Variants in KIRREL3 observed in about 807,000 individuals in gnomAD.
The protein encoded by KIRREL3 is kirre like nephrin family adhesion molecule 3, also known as kin of IRRE-like protein 3.
Under a neutral mutation model 89.7 loss-of-function variants are expected in KIRREL3, and 36 were observed. That is an observed-to-expected ratio of 0.40 (90% confidence interval 0.31 to 0.53). The LOEUF (loss-of-function observed/expected upper bound fraction) is 0.53. Among genes scored for constraint, KIRREL3 ranks in the 20% least tolerant of loss-of-function variants. The pLI is 0.49. For missense variants in KIRREL3, 864 were observed against 1,056.6 expected (o/e 0.82, Z 2.53); for synonymous variants, 445 against 441.4 (o/e 1.01, Z -0.10).
At chr11:126,777,565 G>A (rs189196440) in intron 1 of KIRREL3, among the ~76,000 whole-genome samples, 1 of 152,038 alleles carries the variant, frequency 6.6e-6, no homozygotes, top group Non-Finnish European at 1.5e-5. Context: ...CTATCATTTG[G>A]CCTCTTTCCC....
rs56122151 is a variant in KIRREL3 at position 126,612,360 on chromosome 11, A to G, written c.56-49448T>C. Reference sequence around the variant, plus strand: ...AGAATAAATGCTCCCTCAGTATTTGAATAAATAAATGTGGTGTCAATTTGG... The same window carrying G: ...AGAATAAATGCTCCCTCAGTATTTGGATAAATAAATGTGGTGTCAATTTGG... On this transcript the variant is annotated intron_variant, in intron 1 of 16. Transcript: ENST00000525144. This position sits in a 1 kb window ranked among gnomAD's most constrained non-coding sequence, Gnocchi z 4.5. Among the ~76,000 whole-genome samples the G allele has an allele frequency of 0.034, 5,163 of 152,016 alleles. 309 individuals are homozygous for G. Among genetic ancestry groups the G allele is most frequent in the African/African-American group, 0.12 (4,901 of 41,270 alleles).
In KIRREL3 at chr11:126,489,252, C is replaced by A. The variant is rs1957446951; in HGVS notation, c.434-15786G>T. Among the ~76,000 whole-genome samples the A allele has an allele frequency of 6.6e-6, 1 of 152,158 alleles. No homozygotes were observed. The highest frequency in any genetic ancestry group is 2.1e-4 in the South Asian group (1 of 4,826). The stretch of plus-strand genomic sequence containing the variant: ...ACCCGGGTGCCTGGCTCGATGGGAG[C>A]TTCCTAAGGGAAGCAGCCCTGTCAT... On this transcript the variant is annotated intron_variant, in intron 4 of 16. Transcript: ENST00000525144. The surrounding 1 kb of genome is among the most constrained non-coding windows in gnomAD (Gnocchi z 5.5).
rs1053026141 is a variant in KIRREL3, at chr11:126,454,094, C to T, written c.848+2255G>A. On this transcript the variant is annotated intron_variant, in intron 7 of 16. Coordinates refer to ENST00000525144, the MANE Select transcript of KIRREL3 (RefSeq NM_032531.4). The surrounding 1 kb of genome is among the most constrained non-coding windows in gnomAD (Gnocchi z 5.8). ...GTCCCATTAACTGCCACCCTCCCAT[C>T]GCCCGGATTCACCAGCTGTTAACAT... Among the ~76,000 whole-genome samples, 3 of 138,648 alleles carry T rather than the reference C, an allele frequency of 2.2e-5. No homozygotes were observed. Among genetic ancestry groups the T allele is most frequent in the Non-Finnish European group, 4.9e-5 (3 of 60,848 alleles). 91.0% of individuals were successfully genotyped at this position (138,648 alleles called of 152,430 possible). A position where few individuals can be genotyped will look rare whatever the true frequency, so the allele number is the denominator to read the frequency against.
Position 126,704,557 on chromosome 11 carries a change from T to A in KIRREL3, c.56-141645A>T, listed in dbSNP as rs546630471. On this transcript the variant is annotated intron_variant, in intron 1 of 16. Transcript: ENST00000525144. The surrounding 1 kb of genome is among the most constrained non-coding windows in gnomAD (Gnocchi z 4.2). ...AGGCTTTTTCTCTAAAAGGCTGCCC[T>A]ATTTGTGTTGTGTGTCCCTGTACAC... 2.0e-5 allele frequency among the ~76,000 whole-genome samples: 3 copies of A among 152,306 alleles called. No homozygotes were observed. In the South Asian group the frequency reaches 6.2e-4, roughly 32 times the overall value.
Position 126,677,166 on chromosome 11 carries a change from A to G in KIRREL3, c.56-114254T>C, listed in dbSNP as rs564763806. Among the ~76,000 whole-genome samples the G allele has an allele frequency of 6.6e-6, 1 of 152,192 alleles. No individual in the cohort carries two copies. The highest frequency in any genetic ancestry group is 2.1e-4 in the South Asian group (1 of 4,820). On this transcript the variant is annotated intron_variant, in intron 1 of 16. Coordinates refer to ENST00000525144, the MANE Select transcript of KIRREL3 (RefSeq NM_032531.4). This position sits in a 1 kb window ranked among gnomAD's most constrained non-coding sequence, Gnocchi z 5.1. The stretch of plus-strand genomic sequence containing the variant: ...ATTTGCACAACCACCACCACAGTCC[A>G]TTTAGAACCTTTTAAAATCACCCCA...
chr11:126,881,903 A>G (rs1184610889), intron 1 of KIRREL3, among the ~76,000 whole-genome samples: 1 of 152,220 alleles, frequency 6.6e-6, no homozygotes. Context: ...GACAAGTGCC[A>G]AAACTGCTAG....
chr11:126,481,004 C>G (rs1957203827), intron 4 of KIRREL3, among the ~76,000 whole-genome samples: 1 of 152,142 alleles, frequency 6.6e-6, no homozygotes, highest in African/African-American at 2.4e-5. Flanking sequence ...CAGTGGTAGC[C>G]GAACAATGTT....
Position 126,492,502 on chromosome 11 carries a change from G to A in KIRREL3, c.434-19036C>T, listed in dbSNP as rs1287382248. 6.6e-6 allele frequency among the ~76,000 whole-genome samples: 1 copy of A among 152,168 alleles called. No individual in the cohort carries two copies. Among genetic ancestry groups the A allele is most frequent in the Non-Finnish European group, 1.5e-5 (1 of 68,040 alleles). On this transcript the variant is annotated intron_variant, in intron 4 of 16. Transcript: ENST00000525144. This position sits in a 1 kb window ranked among gnomAD's most constrained non-coding sequence, Gnocchi z 4.8. ...CCAGTTCTGAGAGGTGTTTCTATCT[G>A]TAGGGGCCGAGGGGCTAGGGGAGCA...
rs1030828331 is a variant in KIRREL3, at chr11:126,531,795, G to A, written c.134-5108C>T. On this transcript the variant is annotated intron_variant, in intron 2 of 16. Transcript: ENST00000525144. This position sits in a 1 kb window ranked among gnomAD's most constrained non-coding sequence, Gnocchi z 4.7. ...AAGAAACAGTGTACACTTCTTGAGGGCAGGGGCCACAGCTATCTTTTCTGT... is the reference window on the plus strand; with the variant it reads ...AAGAAACAGTGTACACTTCTTGAGGACAGGGGCCACAGCTATCTTTTCTGT... Among the ~76,000 whole-genome samples the A allele has an allele frequency of 6.6e-6, 1 of 152,198 alleles. No individual in the cohort carries two copies. Among genetic ancestry groups the A allele is most frequent in the Non-Finnish European group, 1.5e-5 (1 of 68,044 alleles).
chr11:126,905,595 A>G lies in KIRREL3; in HGVS notation c.55+94860T>C, dbSNP rs1946549097. Among the ~76,000 whole-genome samples the G allele has an allele frequency of 6.6e-6, 1 of 152,122 alleles. No individual in the cohort carries two copies. The highest frequency in any genetic ancestry group is 1.9e-4 in the East Asian group (1 of 5,178). ...CGAACCTGTCCCGCTTGTGACCCAC[A>G]AGAGCATTGCAAGCCTCATCCTGCA... On this transcript the variant is annotated intron_variant, in intron 1 of 16. Transcript: ENST00000525144. The surrounding 1 kb of genome is among the most constrained non-coding windows in gnomAD (Gnocchi z 5.0).
At chr11:126,839,739 C>T (rs973699069) in intron 1 of KIRREL3, among the ~76,000 whole-genome samples, 8 of 152,210 alleles carry the variant, frequency 5.3e-5, no homozygotes, top group African/African-American at 1.7e-4. Flanking sequence ...TCTGCTGTCA[C>T]TGTACAATTT....
chr11:126,738,932 C>A (rs1314024718), intron 1 of KIRREL3, among the ~76,000 whole-genome samples: 2 of 152,214 alleles, frequency 1.3e-5, no homozygotes, highest in African/African-American at 4.8e-5. Flanking sequence ...AAAGCATCTT[C>A]GGTGATCAAA....
At chr11:126,545,404 T>C (rs1308850316) in intron 2 of KIRREL3, among the ~76,000 whole-genome samples, 1 of 152,066 alleles carries the variant, frequency 6.6e-6, no homozygotes, top group Non-Finnish European at 1.5e-5. Flanking sequence ...CTTGCTGCTT[T>C]CAGGGGTGGG....
chr11:126,929,667 G>A (rs1947858160), intron 1 of KIRREL3, among the ~76,000 whole-genome samples: 1 of 152,220 alleles, frequency 6.6e-6, no homozygotes, highest in Non-Finnish European at 1.5e-5. Flanking sequence ...GGCTGCGGCA[G>A]TGAGTCGCCC....
In KIRREL3 at chr11:126,463,249, C is replaced by G; in HGVS notation, c.650G>C (p.Gly217Ala). ...SIVSTLFISP[G>A]DVENGQSIVC... ...GATGCTCTGGCCATTCTCCACGTCA[C>G]CAGGGGAGATGAAGAGGGTGCTGAC... Residue 217 changes from glycine to alanine, a missense_variant, in exon 6 of 17, where the codon GGT becomes GCT. By Grantham distance (60) the Gly-to-Ala change is moderately conservative. Coordinates refer to ENST00000525144, the MANE Select transcript of KIRREL3 (RefSeq NM_032531.4). This position sits in a 1 kb window ranked among gnomAD's most constrained non-coding sequence, Gnocchi z 5.9. 1 of 1,613,882 alleles carries G rather than the reference C, an allele frequency of 6.2e-7. No individual in the cohort carries two copies. Among genetic ancestry groups the G allele is most frequent in the Non-Finnish European group, 8.5e-7 (1 of 1,179,808 alleles).
chr11:126,865,101 C>G (rs1346654643), intron 1 of KIRREL3, among the ~76,000 whole-genome samples: 2 of 152,228 alleles, frequency 1.3e-5, no homozygotes, highest in African/African-American at 4.8e-5. Context: ...CCAGCTTGGA[C>G]CAGTTTCCTG....
chr11:126,512,223 A>C (rs193134078), intron 4 of KIRREL3, among the ~76,000 whole-genome samples: 5 of 152,348 alleles, frequency 3.3e-5, no homozygotes, highest in African/African-American at 1.2e-4. Context: ...ATTTCCTAAC[A>C]GTGACTGATC....
At chr11:126,442,781 C>T (rs940458781) in intron 10 of KIRREL3, among the ~76,000 whole-genome samples, 1 of 152,260 alleles carries the variant, frequency 6.6e-6, no homozygotes, top group Non-Finnish European at 1.5e-5. Flanking sequence ...GGCCACTGAA[C>T]TCATCCACCT....
chr11:126,915,620 A>G (rs1045218240), intron 1 of KIRREL3, among the ~76,000 whole-genome samples: 1 of 152,184 alleles, frequency 6.6e-6, no homozygotes, highest in African/African-American at 2.4e-5. Context: ...GTGGAACTGT[A>G]GTGTTGGAAG....
Sources: gnomAD v4.1 joint callset for allele counts (sites outside exome capture counted in the v4.1 genomes callset) on GRCh38, gnomAD v4.1.1 for gene constraint, Gnocchi (gnomAD v3.1) non-coding constraint, MANE v1.5 for transcripts, NCBI Gene and HGNC (gene_info 2026-07-23, HGNC 2026-07-21) for gene names.